The following EPHA4 variants were observed in gnomAD, a reference collection of about 807,000 sequenced individuals.
EPHA4 encodes the protein EPH receptor A4.
A neutral mutation model predicts 108.3 loss-of-function variants in EPHA4; 19 were observed. That is an observed-to-expected ratio of 0.18 (90% CI 0.12 to 0.26). The LOEUF (loss-of-function observed/expected upper bound fraction) is 0.26. EPHA4 is among the 10% of genes least tolerant of loss of function. The probability of loss-of-function intolerance (pLI) is 1.00; values close to 1 mark genes in which losing one functional copy is unlikely to be tolerated. For missense variants in EPHA4, 917 were observed against 1,254.0 expected, an observed-to-expected ratio of 0.73 and a Z score of 4.06; for synonymous variants, 449 against 455.5, an observed-to-expected ratio of 0.99 and a Z score of 0.18.
chr2:221,542,104 C>T (rs1003842889), intron 3 of EPHA4, among the ~76,000 whole-genome samples: 13 of 152,100 alleles, frequency 8.5e-5, no homozygotes, highest in Admixed American at 2.6e-4. Flanking sequence ...ACAATGTCTT[C>T]CAGACCAGAG....
At chr2:221,556,207 G>T (rs140510271) in intron 3 of EPHA4, among the ~76,000 whole-genome samples, 1 of 152,018 alleles carries the variant, frequency 6.6e-6, no homozygotes, top group Non-Finnish European at 1.5e-5. Context: ...AACAATTAAC[G>T]CATTGCATGT....
At chr2:221,467,260 C>T (rs184022019) in intron 5 of EPHA4, among the ~76,000 whole-genome samples, 82 of 152,284 alleles carry the variant, frequency 5.4e-4, no homozygotes, top group Middle Eastern at 3.4e-3. Context: ...GCCTGGGTGA[C>T]GGTCACATAG....
chr2:221,507,803 A>G (rs1340096014), intron 3 of EPHA4, among the ~76,000 whole-genome samples: 1 of 152,212 alleles, frequency 6.6e-6, no homozygotes, highest in Non-Finnish European at 1.5e-5. Context: ...GCTAACTAAA[A>G]AAAAGTTTTT....
chr2:221,564,479 C>A, intron 2 of EPHA4, 85 bp from the exon 3 acceptor site: 1 of 1,369,220 alleles, frequency 7.3e-7, no homozygotes, highest in Non-Finnish European at 1.0e-6. Context: ...CATAGGACAC[C>A]TGATTATTTT....
intron 8 of EPHA4, among the ~76,000 whole-genome samples, chr2:221,452,189 G>A (rs1189822880): frequency 1.3e-5 from 2 of 152,188 alleles, no homozygotes; most frequent in Non-Finnish European, 2.9e-5. Flanking sequence ...AGTTCAAGGG[G>A]ACCCCCATAA....
intron 1 of EPHA4, among the ~76,000 whole-genome samples, chr2:221,569,195 A>T (rs1298262611): frequency 2.0e-5 from 3 of 152,344 alleles, no homozygotes; most frequent in South Asian, 2.1e-4. Context: ...CACATAACTC[A>T]TCAGGGTGAC....
intron 3 of EPHA4, among the ~76,000 whole-genome samples, chr2:221,518,182 CT>C (rs1266335116): frequency 6.6e-6 from 1 of 152,170 alleles, no homozygotes; most frequent in Non-Finnish European, 1.5e-5. Context: ...AGATCTGAAA[CT>C]GTTCATGCTT....
In EPHA4 at chr2:221,434,219, C is replaced by T; in HGVS notation, c.2419G>A (p.Val807Ile). 6.2e-7 allele frequency: 1 copy of T among 1,614,186 alleles called. No individual in the cohort carries two copies. Among genetic ancestry groups the T allele is most frequent in the Non-Finnish European group, 8.5e-7 (1 of 1,180,010 alleles). The stretch of plus-strand genomic sequence containing the variant: ...CACATAACGATTCCATAGCTCCATA[C>T]ATCACTTGCTGATGTGAATTTACGA... ...AYRKFTSASDVWSYGIVMWEV... is the reference protein window; with the variant it reads ...AYRKFTSASDIWSYGIVMWEV... Residue 807 changes from valine to isoleucine, a missense_variant, in exon 14 of 18, where the codon GTA (valine) becomes ATA (isoleucine). Physicochemically the swap from Val to Ile is conservative, Grantham distance 29 (BLOSUM62 3). Transcript: ENST00000281821.
chr2:221,553,622 C>T (rs1353407712), intron 3 of EPHA4, among the ~76,000 whole-genome samples: 1 of 152,200 alleles, frequency 6.6e-6, no homozygotes, highest in African/African-American at 2.4e-5. Flanking sequence ...GGCTTGGGCA[C>T]AGGCAGCTTC....
intron 4 of EPHA4, among the ~76,000 whole-genome samples, chr2:221,496,859 A>T (rs1249158529): frequency 6.6e-6 from 1 of 152,200 alleles, no homozygotes; most frequent in African/African-American, 2.4e-5. Flanking sequence ...CAGTGAGCCA[A>T]GATTGTGTCA....
chr2:221,430,001 G>A lies in EPHA4; in HGVS notation c.2647C>T (p.Arg883Cys), dbSNP rs142296640. ...QIVNMLDKLI[R>C]NPNSLKRTGT... The stretch of plus-strand genomic sequence containing the variant: ...GTCCTCTTCAAGCTGTTGGGGTTGC[G>A]GATGAGTTTGTCCAACATGTTGACA... The change falls in exon 15 of 18, where the codon CGC (arginine) becomes TGC (cysteine). Residue 883 changes from arginine (R) to cysteine (C), a missense_variant. Around this residue, in one of 3 missense-constraint regions of EPHA4, gnomAD observed 133 missense variants for 132.8 expected, o/e 1.00. Transcript: ENST00000281821. 40 of 1,613,892 alleles carry A rather than the reference G, an allele frequency of 2.5e-5. No homozygotes were observed. Among genetic ancestry groups the A allele is most frequent in the Non-Finnish European group, 3.1e-5 (36 of 1,179,984 alleles).
intron 13 of EPHA4, among the ~76,000 whole-genome samples, chr2:221,435,088 G>T (rs2106097428): frequency 1.3e-5 from 2 of 152,164 alleles, no homozygotes; most frequent in Middle Eastern, 6.8e-3. Context: ...AGACCCCTGA[G>T]GTATCCCCAG....
At position 221,419,219 on chromosome 2, in the gene EPHA4, C is replaced by T. The variant is rs1186359940; in HGVS notation, c.*2153G>A. On this transcript the variant is annotated 3_prime_UTR_variant, in exon 18 of 18. Coordinates refer to ENST00000281821, the MANE Select transcript of EPHA4 (RefSeq NM_004438.5). Reference sequence around the variant, plus strand: ...ATATCAATACTGAATCTTCACACTCCGGAGCTCCGATTCTAGAAGGCTGAT... The same window carrying T: ...ATATCAATACTGAATCTTCACACTCTGGAGCTCCGATTCTAGAAGGCTGAT... The T allele has an allele frequency of 2.0e-5, 3 of 152,524 alleles. No individual in the cohort carries two copies. The highest frequency in any genetic ancestry group is 6.5e-5 in the Admixed American group (1 of 15,274). 9.4% of individuals were successfully genotyped at this position (152,524 alleles called of 1,614,324 possible). A position where few individuals can be genotyped will look rare whatever the true frequency, so the allele number is the denominator to read the frequency against.
chr2:221,426,275 G>C (rs1259647072), intron 16 of EPHA4, 133 bp from the exon 17 acceptor site: 1 of 1,025,456 alleles, frequency 9.8e-7, no homozygotes, highest in Non-Finnish European at 1.4e-6. Context: ...GTATTAAAAT[G>C]TTTCATTAAG....
At chr2:221,548,295 T>C in intron 3 of EPHA4, among the ~76,000 whole-genome samples, 1 of 151,716 alleles carries the variant, frequency 6.6e-6, no homozygotes, top group African/African-American at 2.4e-5. Context: ...AGGTGAAGGT[T>C]GCAGTGAGCC....
At chr2:221,568,609 A>T in intron 2 of EPHA4, 109 bp downstream of exon 2, 3 of 807,508 alleles carry the variant, frequency 3.7e-6, no homozygotes, top group Admixed American at 5.5e-5. Context: ...CCACAGCGGA[A>T]ATCTGACCCC....
At position 221,455,644 on chromosome 2, in the gene EPHA4, T is replaced by C. The variant is rs770567769; in HGVS notation, c.1618A>G (p.Ile540Val). The change falls in exon 8 of 18, where the codon ATT (isoleucine) becomes GTT (valine). Residue 540 changes from isoleucine (I) to valine (V), a missense_variant. Physicochemically the swap from Ile to Val is conservative, Grantham distance 29. This residue lies in a region of EPHA4 where 758 missense variants were observed against 1,076.7 expected (regional missense o/e 0.70). Transcript: ENST00000281821. ...ACTGTGGAGTTAGCCCCATCTCCAA[T>C]GATCCGGGAAGGCACTGGGAATGAC... ...VTTNTVPSRIIGDGANSTVLL... is the reference protein window; with the variant it reads ...VTTNTVPSRIVGDGANSTVLL... 4.8e-5 allele frequency: 78 copies of C among 1,613,480 alleles called. No individual in the cohort carries two copies. The highest frequency in any genetic ancestry group is 6.5e-5 in the Non-Finnish European group (77 of 1,179,716).
Position 221,456,654 on chromosome 2 carries a change from T to C in EPHA4, c.1562A>G (p.Tyr521Cys), listed in dbSNP as rs1186891230. The C allele has an allele frequency of 2.5e-6, 4 of 1,613,830 alleles. No homozygotes were observed. Among genetic ancestry groups the C allele is most frequent in the East Asian group, 2.2e-5 (1 of 44,882 alleles). The change falls in exon 7 of 18, where the codon TAT becomes TGT. Residue 521 changes from tyrosine to cysteine, a missense_variant. Tyr to Cys is a radical substitution (Grantham distance 194, BLOSUM62 -2). Coordinates refer to ENST00000281821, the MANE Select transcript of EPHA4 (RefSeq NM_004438.5). ...FHVRARTAAG[Y>C]GDFSEPLEVT... ...CTCCAAGGGCTCACTGAAGTCTCCA[T>C]AGCCAGCTGCTGTCCTGGCTCGCAC... is the stretch of plus-strand genomic sequence containing the variant.
In EPHA4 at chr2:221,566,969, G is replaced by GGAAGGGGAAGAGGAAGAGGAA. The variant is rs1694681601; in HGVS notation, c.159+1748_159+1749insTTCCTCTTCCTCTTCCCCTTC. Among the ~76,000 whole-genome samples, 2 of 27,654 alleles carry GGAAGGGGAAGAGGAAGAGGAA rather than the reference G, an allele frequency of 7.2e-5. 1 individual carries two copies. The highest frequency in any genetic ancestry group is 1.2e-4 in the Non-Finnish European group (2 of 16,172). The allele number at this position is 27,654 out of a possible 152,430, so 18.1% of individuals were successfully genotyped here. A position where few individuals can be genotyped will look rare whatever the true frequency, so the allele number is the denominator to read the frequency against. ...GAGAAGGAGAAGGGGAAGAGGAAGAGGAAGAAGAAGAAGAAGAAGAAGAAG... is the reference window on the plus strand; with the variant it reads ...GAGAAGGAGAAGGGGAAGAGGAAGAGGAAGGGGAAGAGGAAGAGGAAGAAGAAGAAGAAGAAGAAGAAGAAG... On this transcript the variant is annotated intron_variant, in intron 2 of 17. Transcript: ENST00000281821.
Sources: allele counts gnomAD v4.1 joint callset (sites outside exome capture counted in the v4.1 genomes callset), GRCh38; gene constraint gnomAD v4.1.1; regional missense constraint gnomAD v4.1.1; transcripts MANE v1.5; gene names NCBI Gene and HGNC (gene_info 2026-07-23, HGNC 2026-07-21).